The following FAM227A variants were observed in gnomAD, a reference collection of about 807,000 sequenced individuals.
FAM227A encodes protein FAM227A.
In FAM227A, 80 loss-of-function variants were observed where a neutral mutation model predicts 74.7. The ratio of observed to expected loss-of-function variants is 1.07; its 90% CI spans 0.89 to 1.29. The LOEUF (loss-of-function observed/expected upper bound fraction) is 1.29, where lower values mean the gene tolerates loss of function less well. FAM227A is among the 50% of genes most tolerant of loss of function. The pLI, the probability that FAM227A is intolerant of heterozygous loss-of-function variation, is 0.00. For synonymous variants in FAM227A, 237 were observed against 241.8 expected (o/e 0.98, Z 0.19); for missense variants, 654 against 683.4 (o/e 0.96, Z 0.48).
At chr22:38,620,135 T>G in intron 11 of FAM227A, 77 bp downstream of exon 11, 1 of 1,020,494 alleles carries the variant, frequency 9.8e-7, no homozygotes, top group East Asian at 2.6e-5. Context: ...CGGAGGCCAC[T>G]GATGCTCCAG....
chr22:38,635,955 C>T (rs2091995603), intron 6 of FAM227A, among the ~76,000 whole-genome samples: 1 of 150,786 alleles, frequency 6.6e-6, no homozygotes, highest in South Asian at 2.1e-4. Context: ...AGTGCCACTG[C>T]ATTCCAGCCT....
At chr22:38,619,877 T>C (rs1347104467) in intron 11 of FAM227A, among the ~76,000 whole-genome samples, 1 of 152,100 alleles carries the variant, frequency 6.6e-6, no homozygotes, top group Admixed American at 6.5e-5. Flanking sequence ...GTATCAGGGA[T>C]GACTGCTAGG....
chr22:38,624,579 G>C (rs1048414954), intron 9 of FAM227A, among the ~76,000 whole-genome samples: 1 of 152,136 alleles, frequency 6.6e-6, no homozygotes, highest in Admixed American at 6.5e-5. Context: ...CTATACTGTT[G>C]GTAGAAACTA....
At chr22:38,638,500 A>G (rs2092048651) in intron 5 of FAM227A, among the ~76,000 whole-genome samples, 1 of 152,168 alleles carries the variant, frequency 6.6e-6, no homozygotes, top group Non-Finnish European at 1.5e-5. Context: ...AACATCTCTG[A>G]GCAGAGACAC....
rs1257663534 is a variant in FAM227A at position 38,642,194 on chromosome 22, T to A, written c.226-2470A>T. Among the ~76,000 whole-genome samples, 4 of 152,266 alleles carry A rather than the reference T, an allele frequency of 2.6e-5. No individual in the cohort carries two copies. In the South Asian group the frequency reaches 6.2e-4, roughly 24 times the overall value. On this transcript the variant is annotated intron_variant, in intron 3 of 16. Transcript: ENST00000535113. ...AGAGAAGTGAGGTCACAGGGCAAAC[T>A]ACTGCCTGAAAACTGAACAGACAGG...
chr22:38,625,669 G>A (rs2091782014), intron 9 of FAM227A, among the ~76,000 whole-genome samples: 1 of 152,134 alleles, frequency 6.6e-6, no homozygotes, highest in Admixed American at 6.5e-5. Flanking sequence ...TTAGGGGCCA[G>A]GCGCCATGGC....
chr22:38,630,225 C>G (rs2091890775), intron 6 of FAM227A, among the ~76,000 whole-genome samples: 1 of 152,258 alleles, frequency 6.6e-6, no homozygotes, highest in Non-Finnish European at 1.5e-5. Context: ...ACGGAAAGAC[C>G]CGGTGGCATT....
chr22:38,587,094 A>T (rs1290794748), intron 16 of FAM227A, among the ~76,000 whole-genome samples: 1 of 151,954 alleles, frequency 6.6e-6, no homozygotes, highest in Non-Finnish European at 1.5e-5. Context: ...AACATAACAC[A>T]ATAAAACTTA....
chr22:38,594,236 A>G (rs931282632), intron 15 of FAM227A, among the ~76,000 whole-genome samples: 2 of 151,678 alleles, frequency 1.3e-5, no homozygotes, highest in African/African-American at 4.8e-5. Context: ...CTGCTTCCCT[A>G]CTGTCCTTTG....
chr22:38,605,478 C>T (rs770438230), intron 12 of FAM227A, 130 bp from the exon 13 acceptor site: 30 of 615,788 alleles, frequency 4.9e-5, no homozygotes, highest in African/African-American at 2.8e-4. Flanking sequence ...TTAGTAGAAA[C>T]GGGGTTTCGC....
chr22:38,652,590 G>GAAA (rs779788341), intron 1 of FAM227A, among the ~76,000 whole-genome samples: 1 of 59,166 alleles, frequency 1.7e-5, no homozygotes, highest in Non-Finnish European at 3.5e-5. Context: ...TCCATCTCAA[G>GAAA]AAAAAAAAAA....
chr22:38,594,238 T>C (rs143955393), intron 15 of FAM227A, among the ~76,000 whole-genome samples: 90 of 152,248 alleles, frequency 5.9e-4, no homozygotes, highest in African/African-American at 2.1e-3. Context: ...GCTTCCCTAC[T>C]GTCCTTTGTC....
intron 6 of FAM227A, 91 bp downstream of exon 6, chr22:38,636,360 G>GT (rs2092006810): frequency 7.2e-7 from 1 of 1,392,638 alleles, no homozygotes; most frequent in East Asian, 2.5e-5. Flanking sequence ...CCCTAGGTGA[G>GT]TTCCTCAGTT....
Position 38,612,597 on chromosome 22 carries a change from G to A in FAM227A, c.1039-5121C>T, listed in dbSNP as rs187583165. ...ATCCCCAAGGTAAGAGACTTAAGTTGCAGCTGGGGTGCAGACATTTCACCT... is the reference window on the plus strand; with the variant it reads ...ATCCCCAAGGTAAGAGACTTAAGTTACAGCTGGGGTGCAGACATTTCACCT... On this transcript the variant is annotated intron_variant, in intron 11 of 16. Transcript: ENST00000535113. Among the ~76,000 whole-genome samples the A allele has an allele frequency of 3.9e-5, 6 of 152,258 alleles. No homozygotes were observed. The East Asian group carries it at 1.2e-3, about 29-fold the overall frequency.
intron 11 of FAM227A, among the ~76,000 whole-genome samples, chr22:38,612,155 C>G (rs964867585): frequency 6.6e-6 from 1 of 152,112 alleles, no homozygotes; most frequent in Non-Finnish European, 1.5e-5. Context: ...TCTTCTGTGC[C>G]CCTCCAATAC....
At chr22:38,655,071 C>T (rs901683890) in intron 1 of FAM227A, among the ~76,000 whole-genome samples, 1 of 149,628 alleles carries the variant, frequency 6.7e-6, no homozygotes, top group Non-Finnish European at 1.5e-5. Flanking sequence ...ACCCAGGAGT[C>T]GGAGGTTGCA....
intron 1 of FAM227A, among the ~76,000 whole-genome samples, chr22:38,652,793 C>A (rs974267452): frequency 2.1e-5 from 3 of 145,254 alleles, no homozygotes; most frequent in African/African-American, 7.7e-5. Context: ...AGGAGAATGG[C>A]GTGAACCTGG....
intron 13 of FAM227A, among the ~76,000 whole-genome samples, chr22:38,604,240 T>A (rs2091235846): frequency 6.6e-6 from 1 of 152,080 alleles, no homozygotes; most frequent in Admixed American, 6.6e-5. Flanking sequence ...GACACGAGAA[T>A]CACTTGAACC....
intron 3 of FAM227A, among the ~76,000 whole-genome samples, chr22:38,644,244 T>A (rs528489625): frequency 2.3e-4 from 34 of 150,146 alleles, no homozygotes; most frequent in African/African-American, 8.3e-4. Flanking sequence ...TGATTCCAAC[T>A]ATATGGCATT....
Sources: allele counts gnomAD v4.1 joint callset (sites outside exome capture counted in the v4.1 genomes callset), GRCh38; gene constraint gnomAD v4.1.1; transcripts MANE v1.5; gene names NCBI Gene and HGNC (gene_info 2026-07-23, HGNC 2026-07-21).